Variants in DCHS2 observed in about 807,000 individuals in gnomAD.
DCHS2 encodes protocadherin-23.
Under a neutral mutation model 182.4 loss-of-function variants are expected in DCHS2, and 142 were observed. That is an observed-to-expected ratio of 0.78 (90% CI 0.68 to 0.89). DCHS2 has a LOEUF of 0.89. Ranked by LOEUF, DCHS2 falls within the 40% of genes least tolerant of loss-of-function variation. DCHS2 has a pLI of 0.00. For synonymous variants in DCHS2, 1,740 were observed against 1,663.3 expected (o/e 1.05, Z -1.12); for missense variants, 4,319 against 4,198.6 (o/e 1.03, Z -0.79).
chr4:154,315,701 A>G lies in DCHS2; in HGVS notation c.5260+47T>C. 3 of 1,584,486 alleles carry G rather than the reference A, an allele frequency of 1.9e-6. No individual in the cohort carries two copies. In the South Asian group the frequency reaches 3.5e-5, roughly 18 times the overall value. ...ATAAATTACGTCAATTATAATCTTCAATTTCTTTTAAGCATTAAATACCCA... is the reference window on the plus strand; with the variant it reads ...ATAAATTACGTCAATTATAATCTTCGATTTCTTTTAAGCATTAAATACCCA... On this transcript the variant is annotated intron_variant, in intron 10 of 19. Coordinates refer to ENST00000357232, the MANE Select transcript of DCHS2 (RefSeq NM_001358235.2).
At chr4:154,450,332 A>C (rs1361722544) in intron 1 of DCHS2, among the ~76,000 whole-genome samples, 1 of 152,196 alleles carries the variant, frequency 6.6e-6, no homozygotes, top group Admixed American at 6.5e-5. Flanking sequence ...AGGGAGTTTC[A>C]GGTGGACTGG....
intron 3 of DCHS2, among the ~76,000 whole-genome samples, chr4:154,362,356 T>A (rs1168021272): frequency 6.6e-6 from 1 of 152,184 alleles, no homozygotes; most frequent in Non-Finnish European, 1.5e-5. Context: ...GCTCCATATA[T>A]CAATGAAACT....
At chr4:154,254,229 C>T (rs1462212868) in intron 16 of DCHS2, among the ~76,000 whole-genome samples, 1 of 152,160 alleles carries the variant, frequency 6.6e-6, no homozygotes, top group Non-Finnish European at 1.5e-5. Context: ...AGAGCTAAGC[C>T]TCTCTTGGAC....
At chr4:154,434,912 G>A (rs1167075572) in intron 1 of DCHS2, among the ~76,000 whole-genome samples, 3 of 152,088 alleles carry the variant, frequency 2.0e-5, no homozygotes, top group African/African-American at 7.2e-5. Flanking sequence ...TCAAAACCAA[G>A]GAAAGTCTGG....
At chr4:154,372,230 G>T (rs572766871) in intron 2 of DCHS2, among the ~76,000 whole-genome samples, 52 of 152,278 alleles carry the variant, frequency 3.4e-4, no homozygotes, top group African/African-American at 1.2e-3. Context: ...CCTAGAACAG[G>T]TGGAGGGTGC....
intron 7 of DCHS2, chr4:154,323,174 A>G (rs1736143428): frequency 4.5e-6 from 7 of 1,546,258 alleles, no homozygotes; most frequent in Non-Finnish European, 6.1e-6. Context: ...CGTGTAGCAT[A>G]ATATGTTCCT....
chr4:154,328,286 C>T, intron 6 of DCHS2, 94 bp from the exon 7 acceptor site: 1 of 797,204 alleles, frequency 1.3e-6, no homozygotes, highest in Non-Finnish European at 2.0e-6. Context: ...TTATACTAAA[C>T]ATTTTAAACT....
intron 13 of DCHS2, among the ~76,000 whole-genome samples, chr4:154,276,410 TATTA>T (rs766674166): frequency 2.6e-5 from 4 of 152,196 alleles, no homozygotes; most frequent in Non-Finnish European, 5.9e-5. Flanking sequence ...CTTAGATAAC[TATTA>T]ATTAATGCTA....
intron 1 of DCHS2, among the ~76,000 whole-genome samples, chr4:154,424,130 C>T (rs1045931182): frequency 6.6e-6 from 1 of 152,134 alleles, no homozygotes; most frequent in Non-Finnish European, 1.5e-5. Flanking sequence ...TTGCTGCATC[C>T]TTGGTCTGAC....
chr4:154,458,572 T>C (rs971729400), intron 1 of DCHS2, among the ~76,000 whole-genome samples: 1 of 152,206 alleles, frequency 6.6e-6, no homozygotes, highest in African/African-American at 2.4e-5. Flanking sequence ...TAAAAGTCGA[T>C]GAGCTCAATT....
chr4:154,399,975 T>G (rs1732090366), intron 1 of DCHS2, among the ~76,000 whole-genome samples: 1 of 152,182 alleles, frequency 6.6e-6, no homozygotes, highest in African/African-American at 2.4e-5. Flanking sequence ...ATTCTTCACA[T>G]ATAAATCCAG....
chr4:154,402,202 A>G (rs1439184909), intron 1 of DCHS2, among the ~76,000 whole-genome samples: 1 of 152,166 alleles, frequency 6.6e-6, no homozygotes, highest in African/African-American at 2.4e-5. Flanking sequence ...CAATGTGAGG[A>G]TATCTTTCTG....
At chr4:154,376,490 C>G (rs139285679) in intron 2 of DCHS2, among the ~76,000 whole-genome samples, 4 of 151,984 alleles carry the variant, frequency 2.6e-5, no homozygotes, top group Admixed American at 6.6e-5. Context: ...AATAATCAAG[C>G]CTTATCCTGC....
At chr4:154,337,404 C>T (rs1728862443) in intron 3 of DCHS2, among the ~76,000 whole-genome samples, 1 of 152,174 alleles carries the variant, frequency 6.6e-6, no homozygotes, top group Non-Finnish European at 1.5e-5. Context: ...TCCCGACTGA[C>T]TCCTTCTGAA....
chr4:154,372,883 G>T lies in DCHS2; in HGVS notation c.2244+4370C>A, dbSNP rs928822118. Among the ~76,000 whole-genome samples, 10 of 152,150 alleles carry T rather than the reference G, an allele frequency of 6.6e-5. No homozygotes were observed. In the East Asian group the frequency reaches 1.9e-3, roughly 29 times the overall value. Reference sequence around the variant, plus strand: ...TTGACAGTCTTCACAAGGATAAATAGAGCAGTAGCAACGAACATCAATGTA... The same window carrying T: ...TTGACAGTCTTCACAAGGATAAATATAGCAGTAGCAACGAACATCAATGTA... On this transcript the variant is annotated intron_variant, in intron 2 of 19. Coordinates refer to ENST00000357232, the MANE Select transcript of DCHS2 (RefSeq NM_001358235.2).
intron 1 of DCHS2, among the ~76,000 whole-genome samples, chr4:154,398,858 G>A (rs1051241189): frequency 7.2e-5 from 11 of 152,164 alleles, no homozygotes; most frequent in African/African-American, 2.7e-4. Flanking sequence ...CTACTAAATA[G>A]AGGATTACAG....
At chr4:154,303,444 C>T (rs1037137367) in intron 12 of DCHS2, among the ~76,000 whole-genome samples, 4 of 136,858 alleles carry the variant, frequency 2.9e-5, no homozygotes, top group South Asian at 2.3e-4. Flanking sequence ...AATATGTCTG[C>T]GTACATAAGT....
chr4:154,298,964 A>G lies in DCHS2; in HGVS notation c.5606-256T>C, dbSNP rs1735088310. On this transcript the variant is annotated intron_variant, in intron 12 of 19. Transcript: ENST00000357232. ...TCTTTAATCAGTCAATAATTAGAAC[A>G]CTTGCTTTCACTAATTTGCAGCCGT... The G allele has an allele frequency of 1.4e-5, 5 of 356,522 alleles. No individual in the cohort carries two copies. The East Asian group carries it at 2.5e-4, about 18-fold the overall frequency. The allele number at this position is 356,522 out of a possible 1,614,324, so 22.1% of individuals were successfully genotyped here. A position where few individuals can be genotyped will look rare whatever the true frequency, so the allele number is the denominator to read the frequency against.
chr4:154,433,380 A>G lies in DCHS2; in HGVS notation c.2052+55924T>C, dbSNP rs1359834205. ...CAAAACTGTGAGAAAACAAATAACT[A>G]GTTTTTTTTTTTTCCTTTTTTTTTT... On this transcript the variant is annotated intron_variant, in intron 1 of 19. Transcript: ENST00000357232. 2.4e-4 allele frequency among the ~76,000 whole-genome samples: 17 copies of G among 71,436 alleles called. No homozygotes were observed. The Admixed American group carries it at 2.6e-3, about 11-fold the overall frequency. 46.9% of individuals were successfully genotyped at this position (71,436 alleles called of 152,430 possible).
Sources: allele counts gnomAD v4.1 joint callset (sites outside exome capture counted in the v4.1 genomes callset), GRCh38; gene constraint gnomAD v4.1.1; transcripts MANE v1.5; gene names NCBI Gene and HGNC (gene_info 2026-07-23, HGNC 2026-07-21).